The following OPCML variants were observed in gnomAD, a reference collection of about 807,000 sequenced individuals.
OPCML encodes the protein opioid-binding protein/cell adhesion molecule.
A neutral mutation model predicts 37.8 loss-of-function variants in OPCML; 13 were observed. That is an observed-to-expected ratio of 0.34 (90% confidence interval 0.22 to 0.55). The LOEUF (loss-of-function observed/expected upper bound fraction) is 0.55, where lower values mean the gene tolerates loss of function less well. Among genes scored for constraint, OPCML ranks in the 20% least tolerant of loss-of-function variants. OPCML has a pLI of 0.91. For missense variants in OPCML, 341 were observed against 435.6 expected (o/e 0.78, Z 1.93); for synonymous variants, 176 against 168.8 (o/e 1.04, Z -0.33).
chr11:132,960,545 G>A (rs1946070122), intron 1 of OPCML, among the ~76,000 whole-genome samples: 1 of 152,134 alleles, frequency 6.6e-6, no homozygotes, highest in South Asian at 2.1e-4. Flanking sequence ...GCAGGGCTGC[G>A]AAATAAAGCT....
At chr11:133,473,108 G>A (rs957237253) in intron 1 of OPCML, among the ~76,000 whole-genome samples, 9 of 152,136 alleles carry the variant, frequency 5.9e-5, no homozygotes, top group African/African-American at 1.9e-4. Context: ...TCATTCTTCA[G>A]GAAAGATGAG....
chr11:132,990,107 G>C (rs1946749329), intron 1 of OPCML, among the ~76,000 whole-genome samples: 1 of 152,170 alleles, frequency 6.6e-6, no homozygotes, highest in Non-Finnish European at 1.5e-5. Flanking sequence ...GGTTCAGACA[G>C]CAATCCATAG....
At chr11:133,057,818 T>C (rs1026176610) in intron 1 of OPCML, among the ~76,000 whole-genome samples, 1 of 152,112 alleles carries the variant, frequency 6.6e-6, no homozygotes, top group Non-Finnish European at 1.5e-5. Flanking sequence ...AGGGGCACAA[T>C]GAGGGGCACC....
intron 1 of OPCML, among the ~76,000 whole-genome samples, chr11:133,400,628 A>G (rs1945381743): frequency 6.6e-6 from 1 of 152,248 alleles, no homozygotes. Context: ...TACCACAATA[A>G]TAAATTTAAA....
chr11:132,863,243 C>T (rs1200497376), intron 2 of OPCML, among the ~76,000 whole-genome samples: 1 of 152,206 alleles, frequency 6.6e-6, no homozygotes, highest in South Asian at 2.1e-4. Flanking sequence ...CTCTGGCATC[C>T]AGGCTGGCCT....
intron 7 of OPCML, among the ~76,000 whole-genome samples, chr11:132,424,746 G>A (rs2095972401): frequency 6.6e-6 from 1 of 152,186 alleles, no homozygotes; most frequent in South Asian, 2.1e-4. Context: ...ACTGATTGAA[G>A]GATGAACGTA....
intron 4 of OPCML, among the ~76,000 whole-genome samples, chr11:132,521,089 G>T (rs2096292162): frequency 6.6e-6 from 1 of 152,028 alleles, no homozygotes; most frequent in South Asian, 2.1e-4. Flanking sequence ...GGCATGAGAT[G>T]GTATCTCATT....
chr11:132,440,334 G>GTT lies in OPCML; in HGVS notation c.506-2977_506-2976dup, dbSNP rs531730416. Among the ~76,000 whole-genome samples the GTT allele has an allele frequency of 3.2e-3, 475 of 146,318 alleles. 3 individuals carry two copies. Among genetic ancestry groups the GTT allele is most frequent in the African/African-American group, 0.011 (454 of 40,222 alleles). On this transcript the variant is annotated intron_variant, in intron 4 of 7. Coordinates refer to ENST00000524381, the MANE Select transcript of OPCML (RefSeq NM_001012393.5). Reference sequence around the variant, plus strand: ...TTAATTTGCATATAAATTCTTTAGAGTTTTTTTTTTTTTTAAATATAGATT... The same window carrying GTT: ...TTAATTTGCATATAAATTCTTTAGAGTTTTTTTTTTTTTTTTAAATATAGATT...
intron 4 of OPCML, among the ~76,000 whole-genome samples, chr11:132,483,938 A>C: frequency 6.6e-6 from 1 of 152,146 alleles, no homozygotes; most frequent in Non-Finnish European, 1.5e-5. Context: ...AAAGACTTAA[A>C]TGTTAGACCT....
At chr11:132,732,804 TA>T (rs200641893) in intron 2 of OPCML, among the ~76,000 whole-genome samples, 10,208 of 152,166 alleles carry the variant, frequency 0.067, 1,065 homozygotes, top group African/African-American at 0.22. Flanking sequence ...CAGGTTGAAA[TA>T]TGTCCATTGA....
At chr11:133,365,884 C>T (rs989239429) in intron 1 of OPCML, 1 of 152,184 alleles carries the variant, frequency 6.6e-6, no homozygotes, top group Non-Finnish European at 1.5e-5. Flanking sequence ...CCACTTACAA[C>T]CCAATGGCAA....
chr11:132,421,764 G>A (rs1293113828), intron 7 of OPCML, among the ~76,000 whole-genome samples: 1 of 152,148 alleles, frequency 6.6e-6, no homozygotes, highest in African/African-American at 2.4e-5. Context: ...CCCAGAGGAG[G>A]CTCCATAGAT....
intron 2 of OPCML, among the ~76,000 whole-genome samples, chr11:132,715,315 G>A (rs1164017853): frequency 6.6e-6 from 1 of 152,180 alleles, no homozygotes; most frequent in Non-Finnish European, 1.5e-5. Context: ...ATATACAGAT[G>A]AGTAATGCAC....
In OPCML at chr11:133,207,580, C is replaced by T. The variant is rs148797521; in HGVS notation, c.62-264570G>A. Reference sequence around the variant, plus strand: ...ACTTTTTCCATCTGTGAAACGGCGGCGGTTGGGCTAGGGTTAGCAGAACTA... The same window carrying T: ...ACTTTTTCCATCTGTGAAACGGCGGTGGTTGGGCTAGGGTTAGCAGAACTA... On this transcript the variant is annotated intron_variant, in intron 1 of 7. Coordinates refer to ENST00000524381, the MANE Select transcript of OPCML (RefSeq NM_001012393.5). Among the ~76,000 whole-genome samples, 718 of 152,226 alleles carry T rather than the reference C, an allele frequency of 4.7e-3. 4 individuals are homozygous for T. The highest frequency in any genetic ancestry group is 0.024 in the Middle Eastern group (7 of 292).
chr11:132,607,613 A>T (rs1046712795), intron 3 of OPCML, among the ~76,000 whole-genome samples: 1 of 152,228 alleles, frequency 6.6e-6, no homozygotes, highest in African/African-American at 2.4e-5. Context: ...TACTGAGGAC[A>T]TATCACACAG....
intron 2 of OPCML, among the ~76,000 whole-genome samples, chr11:132,727,027 A>G (rs1455194000): frequency 2.0e-5 from 3 of 152,174 alleles, no homozygotes; most frequent in Admixed American, 6.5e-5. Flanking sequence ...CTCCTCACAC[A>G]CACTGCACAT....
chr11:133,129,410 T>C (rs760891537), intron 1 of OPCML, among the ~76,000 whole-genome samples: 1 of 152,104 alleles, frequency 6.6e-6, no homozygotes, highest in Non-Finnish European at 1.5e-5. Flanking sequence ...CCGAAAGATT[T>C]TCAGTAAGGA....
intron 2 of OPCML, among the ~76,000 whole-genome samples, chr11:132,932,621 G>A (rs1297882171): frequency 6.6e-6 from 1 of 151,064 alleles, no homozygotes; most frequent in Non-Finnish European, 1.5e-5. Flanking sequence ...TTCCCACACT[G>A]CCTAGAATAG....
chr11:132,668,847 T>C (rs1350778736), intron 2 of OPCML, among the ~76,000 whole-genome samples: 2 of 152,144 alleles, frequency 1.3e-5, no homozygotes, highest in Non-Finnish European at 2.9e-5. Flanking sequence ...ACATTTTCTG[T>C]TTTTTCAAAA....
Sources: gnomAD v4.1 joint callset for allele counts (sites outside exome capture counted in the v4.1 genomes callset) on GRCh38, gnomAD v4.1.1 for gene constraint, MANE v1.5 for transcripts, NCBI Gene and HGNC (gene_info 2026-07-23, HGNC 2026-07-21) for gene names.